MEI4: variants seen among roughly 807,000 people sequenced by gnomAD.
MEI4 encodes the protein meiosis-specific protein MEI4.
Under a neutral mutation model 31.4 loss-of-function variants are expected in MEI4, and 27 were observed. That is an observed-to-expected ratio of 0.86 (90% CI 0.63 to 1.19). MEI4 has a LOEUF of 1.19. Ranked by LOEUF, MEI4 falls within the 50% of genes most tolerant of loss-of-function variation. The pLI, the probability that MEI4 is intolerant of heterozygous loss-of-function variation, is 0.00. For missense variants in MEI4, 329 were observed against 398.9 expected (o/e 0.82, Z 1.49); for synonymous variants, 122 against 145.4 (o/e 0.84, Z 1.16).
At chr6:77,655,080 G>A (rs892880889) in intron 1 of MEI4, among the ~76,000 whole-genome samples, 9 of 151,986 alleles carry the variant, frequency 5.9e-5, no homozygotes, top group East Asian at 5.8e-4. Context: ...GACAGGCCCC[G>A]GTGTGTGATG....
chr6:77,675,305 C>T (rs1382490413), intron 1 of MEI4, among the ~76,000 whole-genome samples: 1 of 152,004 alleles, frequency 6.6e-6, no homozygotes, highest in Non-Finnish European at 1.5e-5. Context: ...TTAAAAATGT[C>T]TTGCCTAGGC....
At chr6:77,789,670 G>C (rs1020793517) in intron 3 of MEI4, among the ~76,000 whole-genome samples, 1 of 152,252 alleles carries the variant, frequency 6.6e-6, no homozygotes, top group South Asian at 2.1e-4. Context: ...TTCATCACTG[G>C]CCATCAGAGA....
In MEI4 at chr6:77,736,125, G is replaced by A. The variant is rs1306996129; in HGVS notation, c.233-25005G>A. Among the ~76,000 whole-genome samples, 3 of 152,100 alleles carry A rather than the reference G, an allele frequency of 2.0e-5. No homozygotes were observed. In the East Asian group the frequency reaches 5.8e-4, roughly 29 times the overall value. Reference sequence around the variant, plus strand: ...TGCCCCCAGAGGTGGAGCCTACAGAGGCAGGCAGGCCTCCTTTGAGCTGTT... The same window carrying A: ...TGCCCCCAGAGGTGGAGCCTACAGAAGCAGGCAGGCCTCCTTTGAGCTGTT... On this transcript the variant is annotated intron_variant, in intron 2 of 4. Transcript: ENST00000684080.
At chr6:77,662,826 A>T (rs1345579292) in intron 1 of MEI4, among the ~76,000 whole-genome samples, 1 of 139,014 alleles carries the variant, frequency 7.2e-6, no homozygotes, top group Admixed American at 7.3e-5. Context: ...TGGCAGGGAG[A>T]GCACGTGTGT....
chr6:77,800,796 A>T (rs1326866133), intron 3 of MEI4, among the ~76,000 whole-genome samples: 2 of 152,156 alleles, frequency 1.3e-5, no homozygotes, highest in Non-Finnish European at 1.5e-5. Context: ...AATTAAGTTT[A>T]TTGATTTGCA....
chr6:77,868,516 T>TATATATATATAC lies in MEI4; in HGVS notation c.900+39465_900+39466insCATATATATATA, dbSNP rs1554170588. On this transcript the variant is annotated intron_variant, in intron 4 of 4. Transcript: ENST00000684080. ...AAAAAATACTACATATATATATATA[T>TATATATATATAC]ATATATATATATGCAGATTTCAAGT... 8.2e-4 allele frequency among the ~76,000 whole-genome samples: 110 copies of TATATATATATAC among 133,770 alleles called. 3 individuals carry two copies. Among genetic ancestry groups the TATATATATATAC allele is most frequent in the African/African-American group, 2.9e-3 (105 of 35,690 alleles). The allele number at this position is 133,770 out of a possible 152,430, so 87.8% of individuals were successfully genotyped here. A position where few individuals can be genotyped will look rare whatever the true frequency, so the allele number is the denominator to read the frequency against.
intron 4 of MEI4, among the ~76,000 whole-genome samples, chr6:77,859,426 C>T (rs1193115658): frequency 6.6e-6 from 1 of 152,082 alleles, no homozygotes; most frequent in Non-Finnish European, 1.5e-5. Flanking sequence ...GTTCTAGATC[C>T]TTGAGGAATC....
At chr6:77,875,510 A>G (rs1771313002) in intron 4 of MEI4, among the ~76,000 whole-genome samples, 1 of 152,204 alleles carries the variant, frequency 6.6e-6, no homozygotes. Flanking sequence ...AGCATGTTTT[A>G]AATCTCTGAA....
At chr6:77,840,225 C>T (rs1448470199) in intron 4 of MEI4, among the ~76,000 whole-genome samples, 1 of 152,010 alleles carries the variant, frequency 6.6e-6, no homozygotes, top group African/African-American at 2.4e-5. Flanking sequence ...ATAAAATATT[C>T]CCTGGATGGG....
At chr6:77,801,628 G>C (rs922346751) in intron 3 of MEI4, among the ~76,000 whole-genome samples, 17 of 152,138 alleles carry the variant, frequency 1.1e-4, no homozygotes, top group African/African-American at 4.1e-4. Flanking sequence ...GGCATTTAGT[G>C]CTATAAATTT....
chr6:77,734,984 G>A (rs1172493363), intron 2 of MEI4, among the ~76,000 whole-genome samples: 12 of 151,990 alleles, frequency 7.9e-5, no homozygotes, highest in Admixed American at 7.9e-4. Flanking sequence ...CTGGCTTGTA[G>A]GGTTTCTGCC....
intron 3 of MEI4, among the ~76,000 whole-genome samples, chr6:77,780,657 C>T (rs1768570710): frequency 6.6e-6 from 1 of 152,094 alleles, no homozygotes; most frequent in Non-Finnish European, 1.5e-5. Context: ...CTGTTTATGT[C>T]TTCTCTATAT....
intron 3 of MEI4, among the ~76,000 whole-genome samples, chr6:77,792,688 G>A (rs1031610778): frequency 6.6e-6 from 1 of 150,622 alleles, no homozygotes; most frequent in African/African-American, 2.4e-5. Flanking sequence ...TTATTGTTTT[G>A]CATGTGGATA....
At chr6:77,790,183 C>A (rs959214173) in intron 3 of MEI4, among the ~76,000 whole-genome samples, 1 of 146,126 alleles carries the variant, frequency 6.8e-6, no homozygotes. Context: ...TGTTCTCACT[C>A]ACAGGTGGGA....
intron 2 of MEI4, among the ~76,000 whole-genome samples, chr6:77,707,130 G>T (rs1766351350): frequency 6.6e-6 from 1 of 151,952 alleles, no homozygotes; most frequent in Non-Finnish European, 1.5e-5. Context: ...AAGACTAAAT[G>T]GTTCTGACCG....
At chr6:77,785,565 T>G (rs1768714132) in intron 3 of MEI4, among the ~76,000 whole-genome samples, 1 of 152,208 alleles carries the variant, frequency 6.6e-6, no homozygotes. Flanking sequence ...TACATAATTC[T>G]GCAAAGCAGT....
chr6:77,748,375 A>C (rs1430394904), intron 2 of MEI4, among the ~76,000 whole-genome samples: 2 of 152,234 alleles, frequency 1.3e-5, no homozygotes, highest in African/African-American at 4.8e-5. Flanking sequence ...CTGCAGGCCC[A>C]ACACCATGTG....
chr6:77,801,641 C>G (rs537591728), intron 3 of MEI4, among the ~76,000 whole-genome samples: 1 of 152,200 alleles, frequency 6.6e-6, no homozygotes, highest in East Asian at 1.9e-4. Context: ...ATAAATTTCC[C>G]TCTACACGCT....
intron 2 of MEI4, among the ~76,000 whole-genome samples, chr6:77,731,440 C>G (rs1294346753): frequency 4.0e-5 from 6 of 151,064 alleles, no homozygotes; most frequent in Non-Finnish European, 7.4e-5. Flanking sequence ...TGAGAAGTGT[C>G]TGTTCATGTC....
Sources: allele counts gnomAD v4.1 joint callset (sites outside exome capture counted in the v4.1 genomes callset), GRCh38; gene constraint gnomAD v4.1.1; transcripts MANE v1.5; gene names NCBI Gene and HGNC (gene_info 2026-07-23, HGNC 2026-07-21).